Variants in CD163L1 observed in about 807,000 individuals in gnomAD.
The protein encoded by CD163L1 is CD163 molecule like 1, also known as scavenger receptor cysteine-rich type 1 protein M160.
CD163L1 carries 124 observed loss-of-function variants against 165.4 expected under a neutral mutation model. The ratio of observed to expected loss-of-function variants is 0.75; its 90% CI spans 0.65 to 0.87. CD163L1 has a LOEUF of 0.87. CD163L1 is among the 40% of genes least tolerant of loss of function. The pLI is 0.00. For synonymous variants in CD163L1, 585 were observed against 662.2 expected (o/e 0.88, Z 1.79); for missense variants, 1,525 against 1,799.9 (o/e 0.85, Z 2.76).
intron 6 of CD163L1, among the ~76,000 whole-genome samples, chr12:7,403,233 G>C (rs978729057): frequency 1.2e-4 from 19 of 152,116 alleles, no homozygotes; most frequent in Admixed American, 3.3e-4. Flanking sequence ...AAGCTGTTAA[G>C]AAAACTGTAA....
At chr12:7,409,403 G>A (rs888497005) in intron 4 of CD163L1, among the ~76,000 whole-genome samples, 2 of 152,000 alleles carry the variant, frequency 1.3e-5, no homozygotes, top group Admixed American at 6.6e-5. Flanking sequence ...CACGGGGGTC[G>A]GGGGGAATGG....
At position 7,438,989 on chromosome 12, in the gene CD163L1, C is replaced by G. The variant is rs1202508514; in HGVS notation, c.124+2165G>C. ...GCTCTCTCTAGTGTCCTCAACCTTT[C>G]TCGGGGTCTTCTTTTTCCTCCTGCC... On this transcript the variant is annotated intron_variant, in intron 2 of 19. Transcript: ENST00000313599. The G allele has an allele frequency of 2.5e-6, 4 of 1,605,392 alleles. No individual in the cohort carries two copies. The Admixed American group carries it at 7.0e-5, about 28-fold the overall frequency.
intron 4 of CD163L1, among the ~76,000 whole-genome samples, chr12:7,429,800 A>C (rs1416642351): frequency 6.6e-6 from 1 of 152,154 alleles, no homozygotes; most frequent in Non-Finnish European, 1.5e-5. Flanking sequence ...GCTATTCTTC[A>C]TTCAGTTAGT....
At chr12:7,427,931 T>G (rs1004867694) in intron 4 of CD163L1, among the ~76,000 whole-genome samples, 9 of 152,128 alleles carry the variant, frequency 5.9e-5, no homozygotes, top group Admixed American at 5.9e-4. Context: ...GAAGAGTGTA[T>G]ATTCTGACCA....
Position 7,368,711 on chromosome 12 carries a change from A to G in CD163L1, c.4072+222T>C, listed in dbSNP as rs1947074919. On this transcript the variant is annotated intron_variant, in intron 16 of 19. Transcript: ENST00000313599. This position sits in a 1 kb window ranked among gnomAD's most constrained non-coding sequence, Gnocchi z 4.3. ...TAGAAAGATTATCTATGAGGGTACCATGAGAGTCTTATCCTTCTCTGCATG... is the reference window on the plus strand; with the variant it reads ...TAGAAAGATTATCTATGAGGGTACCGTGAGAGTCTTATCCTTCTCTGCATG... The G allele has an allele frequency of 9.5e-6, 5 of 527,440 alleles. No homozygotes were observed. The South Asian group carries it at 1.2e-4, about 13-fold the overall frequency. 32.7% of individuals were successfully genotyped at this position (527,440 alleles called of 1,614,324 possible). A position where few individuals can be genotyped will look rare whatever the true frequency, so the allele number is the denominator to read the frequency against.
Position 7,378,999 on chromosome 12 carries a change from C to G in CD163L1, c.2350G>C (p.Glu784Gln). ...WKQTACHLNM[E>Q]ASLICSAHRQ... ...TTACCTGAGCAGATCAAACTTGCTT[C>G]CATATTTAAATGACACGCAGTCTGT... The change falls in exon 9 of 20, where the codon GAA becomes CAA. Residue 784 changes from glutamate to glutamine, a missense_variant. Glu to Gln is a conservative substitution (Grantham distance 29). Transcript: ENST00000313599. 9 of 1,605,316 alleles carry G rather than the reference C, an allele frequency of 5.6e-6. No individual in the cohort carries two copies. The highest frequency in any genetic ancestry group is 7.7e-6 in the Non-Finnish European group (9 of 1,172,464).
chr12:7,320,942 C>T, the CD163L1 span: 7 of 781,616 alleles, frequency 9.0e-6, no homozygotes, highest in South Asian at 1.6e-5. Context: ...ATAATTCTAT[C>T]GTCGGAGGAC....
chr12:7,361,971 T>G (rs1251683805), intron 18 of CD163L1, among the ~76,000 whole-genome samples: 1 of 151,814 alleles, frequency 6.6e-6, no homozygotes, highest in Non-Finnish European at 1.5e-5. Context: ...ATGAATTTGA[T>G]TGCTCTATGT....
chr12:7,363,339 C>G (rs1168780235), intron 18 of CD163L1, among the ~76,000 whole-genome samples: 2 of 151,028 alleles, frequency 1.3e-5, no homozygotes, highest in African/African-American at 4.9e-5. Flanking sequence ...AGAAAGACTA[C>G]AAATAAAGAG....
chr12:7,396,520 T>G, intron 7 of CD163L1, 105 bp from the exon 8 acceptor site: 2 of 1,062,006 alleles, frequency 1.9e-6, no homozygotes, highest in South Asian at 3.3e-5. Context: ...AACACCAGTC[T>G]AGATGGTGCT....
the CD163L1 span, among the ~76,000 whole-genome samples, chr12:7,323,014 T>C: frequency 0.16 from 24,982 of 152,188 alleles, 2,589 homozygotes; most frequent in Admixed American, 0.28. Context: ...AACTCTGGGA[T>C]AAGGCCCATC....
intron 4 of CD163L1, among the ~76,000 whole-genome samples, chr12:7,415,020 G>A (rs1948209279): frequency 6.6e-6 from 1 of 152,038 alleles, no homozygotes; most frequent in South Asian, 2.1e-4. Context: ...CAAGTATAAA[G>A]CTAGTAAAAA....
At chr12:7,409,954 A>C (rs1427321180) in intron 4 of CD163L1, among the ~76,000 whole-genome samples, 1 of 152,214 alleles carries the variant, frequency 6.6e-6, no homozygotes, top group African/African-American at 2.4e-5. Context: ...GGAGGTGTGA[A>C]TTACCAGAAA....
Position 7,432,319 on chromosome 12 carries a change from A to C in CD163L1, c.766+97T>G, listed in dbSNP as rs1237659700. 6.3e-6 allele frequency: 6 copies of C among 947,266 alleles called. No homozygotes were observed. The highest frequency in any genetic ancestry group is 9.4e-6 in the Non-Finnish European group (6 of 637,782). 58.7% of individuals were successfully genotyped at this position (947,266 alleles called of 1,614,324 possible). A position where few individuals can be genotyped will look rare whatever the true frequency, so the allele number is the denominator to read the frequency against. On this transcript the variant is annotated intron_variant, in intron 4 of 19. Transcript: ENST00000313599. This position sits in a 1 kb window ranked among gnomAD's most constrained non-coding sequence, Gnocchi z 4.2. Reference sequence around the variant, plus strand: ...AACAAAAATGTGTTATAACCAGAGAAAATTCTTCTCCAGAGAATGATTGAC... The same window carrying C: ...AACAAAAATGTGTTATAACCAGAGACAATTCTTCTCCAGAGAATGATTGAC...
At chr12:7,365,679 T>G (rs1947001848) in intron 18 of CD163L1, among the ~76,000 whole-genome samples, 1 of 151,840 alleles carries the variant, frequency 6.6e-6, no homozygotes, top group Admixed American at 6.6e-5. Context: ...ACACTAATAA[T>G]CAGAGAAACA....
At position 7,406,655 on chromosome 12, in the gene CD163L1, C is replaced by T. The variant is rs1280805740; in HGVS notation, c.964G>A (p.Asp322Asn). 1 of 1,614,138 alleles carries T rather than the reference C, an allele frequency of 6.2e-7. No individual in the cohort carries two copies. Among genetic ancestry groups the T allele is most frequent in the East Asian group, 2.2e-5 (1 of 44,878 alleles). ...AGLPHLQSGS[D>N]VVWLDGVSCS... ...GAGACACCATCAAGCCATACAACAT[C>T]AGACCCTGACTGCAAATGAGGCAAG... Residue 322 changes from aspartate (D) to asparagine (N), a missense_variant, in exon 5 of 20, where the codon GAT becomes AAT. By Grantham distance (23) the Asp-to-Asn change is conservative. Transcript: ENST00000313599.
intron 1 of CD163L1, among the ~76,000 whole-genome samples, chr12:7,442,197 A>C (rs1211392142): frequency 6.6e-6 from 1 of 152,226 alleles, no homozygotes; most frequent in African/African-American, 2.4e-5. Context: ...TGTAACTGTT[A>C]GAGAACTATC....
Position 7,433,374 on chromosome 12 carries a change from C to T in CD163L1, c.445G>A (p.Gly149Ser), listed in dbSNP as rs144917688. ...HGEDVGVNCY[G>S]EANLGLRLVD... Reference sequence around the variant, plus strand: ...CTTCCTACTCTAGTTAGACTCTTACCATAACAGTTCACACCAACATCTTCT... The same window carrying T: ...CTTCCTACTCTAGTTAGACTCTTACTATAACAGTTCACACCAACATCTTCT... Residue 149 changes from glycine to serine, a missense_variant and splice_region_variant, in exon 3 of 20, where the codon GGT (glycine) becomes AGT (serine). Coordinates refer to ENST00000313599, the MANE Select transcript of CD163L1 (RefSeq NM_174941.6). The T allele has an allele frequency of 1.0e-5, 16 of 1,581,510 alleles. No individual in the cohort carries two copies. The highest frequency in any genetic ancestry group is 1.3e-5 in the African/African-American group (1 of 74,584).
intron 4 of CD163L1, among the ~76,000 whole-genome samples, chr12:7,424,363 A>C (rs1461695368): frequency 6.6e-6 from 1 of 152,152 alleles, no homozygotes; most frequent in African/African-American, 2.4e-5. Context: ...ATTTATGACA[A>C]ACCCATAGCC....
Sources: allele counts gnomAD v4.1 joint callset (sites outside exome capture counted in the v4.1 genomes callset), GRCh38; gene constraint gnomAD v4.1.1; non-coding constraint Gnocchi (gnomAD v3.1); transcripts MANE v1.5; gene names NCBI Gene and HGNC (gene_info 2026-07-23, HGNC 2026-07-21).